PSME2: variants seen among roughly 807,000 people sequenced by gnomAD.
PSME2 encodes proteasome activator complex subunit 2.
PSME2 carries 20 observed loss-of-function variants against 38.8 expected under a neutral mutation model. The observed-to-expected ratio is 0.52, with a 90% CI of 0.36 to 0.75. PSME2 has a LOEUF of 0.75. Among genes scored for constraint, PSME2 ranks in the 30% least tolerant of loss-of-function variants. PSME2 has a pLI of 0.00. For synonymous variants in PSME2, 82 were observed against 102.5 expected (o/e 0.80, Z 1.21); for missense variants, 227 against 287.6 (o/e 0.79, Z 1.52).
In PSME2 at chr14:24,143,819, G is replaced by A; in HGVS notation, c.553-148C>T. ...CCCAAAGGACTGAGCAGAGAAAAGG[G>A]TCAAGGTTGTTGAAGCCCAAACCAG... On this transcript the variant is annotated intron_variant, in intron 9 of 10. Transcript: ENST00000216802. The surrounding 1 kb of genome is among the most constrained non-coding windows in gnomAD (Gnocchi z 4.4). 1.6e-6 allele frequency: 2 copies of A among 1,276,032 alleles called. No individual in the cohort carries two copies. Among genetic ancestry groups the A allele is most frequent in the South Asian group, 2.6e-5 (2 of 78,350 alleles). The allele number at this position is 1,276,032 out of a possible 1,614,324, so 79.0% of individuals were successfully genotyped here.
At chr14:24,144,856 C>T (rs1049677277) in intron 6 of PSME2, 1 of 620,008 alleles carries the variant, frequency 1.6e-6, no homozygotes, top group Admixed American at 2.9e-5. Flanking sequence ...GGATACTGCA[C>T]AGTCTCTAAT....
chr14:24,145,717 A>T lies in PSME2; in HGVS notation c.137T>A (p.Leu46His). The stretch of plus-strand genomic sequence containing the variant: ...GGGGCCCACACTACTCACTTGCAAG[A>T]GCTGATTCAGGTATATGATTTTCTG... Reference protein sequence around the residue: ...LPQKIIYLNQLLQEDSLNVAD... With the variant: ...LPQKIIYLNQHLQEDSLNVAD... Residue 46 changes from leucine to histidine, a missense_variant, in exon 3 of 11, where the codon CTC (leucine) becomes CAC (histidine). Transcript: ENST00000216802. The T allele has an allele frequency of 6.2e-7, 1 of 1,613,876 alleles. No individual in the cohort carries two copies. Among genetic ancestry groups the T allele is most frequent in the Non-Finnish European group, 8.5e-7 (1 of 1,179,788 alleles).
chr14:24,146,207 C>T lies in PSME2; in HGVS notation c.81+1G>A. ...CAAATCGCTCAAATCCAGAGACTTA[C>T]CTCCTGGAAAAGATTCTGTCTGAAG... On this transcript the variant is annotated splice_donor_variant, in intron 2 of 10. Transcript: ENST00000216802. LOFTEE classifies it high-confidence loss of function. 1 of 1,613,452 alleles carries T rather than the reference C, an allele frequency of 6.2e-7. No individual in the cohort carries two copies. The highest frequency in any genetic ancestry group is 8.5e-7 in the Non-Finnish European group (1 of 1,179,496).
chr14:24,143,767 C>T lies in PSME2; in HGVS notation c.553-96G>A. The T allele has an allele frequency of 7.2e-7, 1 of 1,384,840 alleles. No homozygotes were observed. The highest frequency in any genetic ancestry group is 1.0e-6 in the Non-Finnish European group (1 of 981,802). 85.8% of individuals were successfully genotyped at this position (1,384,840 alleles called of 1,614,324 possible). A position where few individuals can be genotyped will look rare whatever the true frequency, so the allele number is the denominator to read the frequency against. ...GGAAATAGGTTAACTTGAGAATGAA[C>T]CCCTTCTTAGCACCAAGAAATAGGA... On this transcript the variant is annotated intron_variant, in intron 9 of 10. Coordinates refer to ENST00000216802, the MANE Select transcript of PSME2 (RefSeq NM_002818.3). The surrounding 1 kb of genome is among the most constrained non-coding windows in gnomAD (Gnocchi z 4.4).
At chr14:24,145,204 GC>G in intron 5 of PSME2, 38 bp downstream of exon 5, 1 of 1,612,730 alleles carries the variant, frequency 6.2e-7, no homozygotes, top group East Asian at 2.2e-5. Flanking sequence ...TAGTCAGTGT[GC>G]CATCACCCCT....
Position 24,143,928 on chromosome 14 carries a change from C to T in PSME2, c.552+47G>A. ...ACAAGGAGGACTTCTTCCTCCACAC[C>T]TCCTCGTCCCACACCCAGCTAAAAG... is the stretch of plus-strand genomic sequence containing the variant. On this transcript the variant is annotated intron_variant, in intron 9 of 10. Transcript: ENST00000216802. This position sits in a 1 kb window ranked among gnomAD's most constrained non-coding sequence, Gnocchi z 4.4. 1 of 1,587,564 alleles carries T rather than the reference C, an allele frequency of 6.3e-7. No homozygotes were observed. Among genetic ancestry groups the T allele is most frequent in the Non-Finnish European group, 8.6e-7 (1 of 1,156,606 alleles).
chr14:24,144,389 C>G lies in PSME2; in HGVS notation c.429+11G>C. On this transcript the variant is annotated intron_variant, in intron 7 of 10. Coordinates refer to ENST00000216802, the MANE Select transcript of PSME2 (RefSeq NM_002818.3). ...CCCCACTCTAAGTATCTTCAGTTAC[C>G]CTTTTCTTACCTGGATTGCTACCCC... 6.2e-7 allele frequency: 1 copy of G among 1,611,870 alleles called. No individual in the cohort carries two copies.
chr14:24,146,348 A>G, intron 1 of PSME2, 108 bp from the exon 2 acceptor site: 1 of 1,489,300 alleles, frequency 6.7e-7, no homozygotes, highest in Non-Finnish European at 9.3e-7. Flanking sequence ...CTCACCACAA[A>G]CTAGCTTTCC....
chr14:24,144,174 T>C lies in PSME2; in HGVS notation c.497+18A>G. ...ATGCTCCTACTGCCCCCAATGCTGG[T>C]CCTCCAGCTGCCCTCACTTGGAAAT... On this transcript the variant is annotated intron_variant, in intron 8 of 10. Coordinates refer to ENST00000216802, the MANE Select transcript of PSME2 (RefSeq NM_002818.3). 1 of 1,614,200 alleles carries C rather than the reference T, an allele frequency of 6.2e-7. No individual in the cohort carries two copies. The highest frequency in any genetic ancestry group is 1.1e-5 in the South Asian group (1 of 91,088).
At chr14:24,144,906 G>A (rs902636687) in intron 6 of PSME2, 152 bp downstream of exon 6, 4 of 765,648 alleles carry the variant, frequency 5.2e-6, no homozygotes, top group East Asian at 2.5e-5. Context: ...CTAACAGAAC[G>A]AGGAGAACAA....
intron 3 of PSME2, 55 bp downstream of exon 3, chr14:24,145,655 T>C (rs2038140868): frequency 6.4e-7 from 1 of 1,558,168 alleles, no homozygotes; most frequent in Non-Finnish European, 8.9e-7. Context: ...CTAGAGAGGG[T>C]GGGCAAAGGG....
intron 6 of PSME2, 102 bp downstream of exon 6, chr14:24,144,956 T>C: frequency 8.2e-7 from 1 of 1,217,930 alleles, no homozygotes; most frequent in South Asian, 1.3e-5. Flanking sequence ...AGTTTTCTTT[T>C]TCAGGACTAG....
rs749693805 is a variant in PSME2, at chr14:24,144,012, C to G, written c.515G>C (p.Gly172Ala). 3.2e-5 allele frequency: 51 copies of G among 1,613,996 alleles called. No homozygotes were observed. Among genetic ancestry groups the G allele is most frequent in the Non-Finnish European group, 4.3e-5 (51 of 1,180,020 alleles). ...TTISKYFSER[G>A]DAVAKASKET... is the part of the protein sequence containing the mutation. ...CTTGGAGGCCTTGGCCACAGCATCC[C>G]CACGTTCTGAGAAGTACCTGCCAGA... Residue 172 changes from glycine to alanine, a missense_variant, in exon 9 of 11, where the codon GGG becomes GCG. Coordinates refer to ENST00000216802, the MANE Select transcript of PSME2 (RefSeq NM_002818.3).
Position 24,146,561 on chromosome 14 carries a change from C to A in PSME2, c.21G>T (p.Val7=), listed in dbSNP as rs759712773. 5 of 1,613,908 alleles carry A rather than the reference C, an allele frequency of 3.1e-6. No individual in the cohort carries two copies. The South Asian group carries it at 3.3e-5, about 11-fold the overall frequency. Residue 7 remains valine, a synonymous_variant, in exon 1 of 11, where the codon GTG becomes GTT. Transcript: ENST00000216802. ...GTTTGCGGGCTTCCCCGCTCAGGCGCACCCCACACGGCTTGGCCATGCTGC... is the reference window on the plus strand; with the variant it reads ...GTTTGCGGGCTTCCCCGCTCAGGCGAACCCCACACGGCTTGGCCATGCTGC... MAKPCG[V]RLSGEARKQV...
In PSME2 at chr14:24,144,395, C is replaced by T. The variant is rs746336570; in HGVS notation, c.429+5G>A. 7.4e-6 allele frequency: 12 copies of T among 1,612,724 alleles called. No homozygotes were observed. Among genetic ancestry groups the T allele is most frequent in the African/African-American group, 2.7e-5 (2 of 74,890 alleles). On this transcript the variant is annotated splice_donor_5th_base_variant and intron_variant, in intron 7 of 10. Coordinates refer to ENST00000216802, the MANE Select transcript of PSME2 (RefSeq NM_002818.3). ...TCTAAGTATCTTCAGTTACCCTTTT[C>T]TTACCTGGATTGCTACCCCAAAATC...
At chr14:24,144,730 G>C (rs1053094794) in intron 6 of PSME2, 3 of 574,364 alleles carry the variant, frequency 5.2e-6, no homozygotes, top group Admixed American at 3.1e-5. Context: ...ATAGAATCAC[G>C]ATTTGAACCT....
chr14:24,145,290 G>A lies in PSME2; in HGVS notation c.232-17C>T, dbSNP rs2038133419. Reference sequence around the variant, plus strand: ...TGTTTCCATCTAAGGCAAAAAGGGGGGAAAGTAGCTTTAGAAAAGTCACAG... The same window carrying A: ...TGTTTCCATCTAAGGCAAAAAGGGGAGAAAGTAGCTTTAGAAAAGTCACAG... On this transcript the variant is annotated splice_polypyrimidine_tract_variant and intron_variant, in intron 4 of 10. Transcript: ENST00000216802. 1 of 1,613,984 alleles carries A rather than the reference G, an allele frequency of 6.2e-7. No individual in the cohort carries two copies. Among genetic ancestry groups the A allele is most frequent in the Non-Finnish European group, 8.5e-7 (1 of 1,179,882 alleles).
At chr14:24,145,327 C>T (rs1221298538) in intron 4 of PSME2, 52 bp downstream of exon 4, 2 of 1,612,524 alleles carry the variant, frequency 1.2e-6, no homozygotes, top group African/African-American at 2.7e-5. Context: ...GGTTGAAGGG[C>T]TATCTTCTCC....
intron 6 of PSME2, 196 bp downstream of exon 6, chr14:24,144,862 C>T: frequency 1.6e-6 from 1 of 632,826 alleles, no homozygotes. Context: ...TGCACAGTCT[C>T]TAATTTTGGG....
Sources: allele counts gnomAD v4.1 joint callset, GRCh38; gene constraint gnomAD v4.1.1; non-coding constraint Gnocchi (gnomAD v3.1); transcripts MANE v1.5; gene names NCBI Gene and HGNC (gene_info 2026-07-23, HGNC 2026-07-21).